ITPKB: variants seen among roughly 807,000 people sequenced by gnomAD.
ITPKB encodes the protein IP3 3-kinase B.
A neutral mutation model predicts 69.4 loss-of-function variants in ITPKB; 13 were observed. The observed-to-expected ratio is 0.19, with a 90% CI of 0.12 to 0.30. The LOEUF is 0.30. ITPKB is among the 10% of genes least tolerant of loss of function. ITPKB has a pLI of 1.00. For synonymous variants in ITPKB, 584 were observed against 513.7 expected (o/e 1.14, Z -1.85); for missense variants, 1,240 against 1,250.5 (o/e 0.99, Z 0.13).
rs1368573143 is a variant in ITPKB at position 226,637,378 on chromosome 1, C to T, written c.2625+301G>A. Among the ~76,000 whole-genome samples the T allele has an allele frequency of 6.6e-6, 1 of 152,216 alleles. No individual in the cohort carries two copies. The highest frequency in any genetic ancestry group is 1.5e-5 in the Non-Finnish European group (1 of 68,038). ...TCAGAGAGCTTCTGCCCTGAGACCA[C>T]GGGTGTGTGGGATATGAGTCCTGCC... is the stretch of plus-strand genomic sequence containing the variant. On this transcript the variant is annotated intron_variant, in intron 7 of 7. Coordinates refer to ENST00000429204, the MANE Select transcript of ITPKB (RefSeq NM_002221.4). This position sits in a 1 kb window ranked among gnomAD's most constrained non-coding sequence, Gnocchi z 4.3.
At chr1:226,675,876 C>T (rs1169359106) in intron 2 of ITPKB, among the ~76,000 whole-genome samples, 1 of 152,226 alleles carries the variant, frequency 6.6e-6, no homozygotes, top group Admixed American at 6.5e-5. Context: ...CACCTGTGCA[C>T]TTCCTCAACC....
intron 2 of ITPKB, among the ~76,000 whole-genome samples, chr1:226,726,597 GC>G (rs67057440): frequency 0.025 from 3,823 of 152,222 alleles, 172 homozygotes; most frequent in African/African-American, 0.088. Flanking sequence ...GATCTCTTGA[GC>G]TGGAGAGATC....
At chr1:226,722,516 A>C (rs1270894047) in intron 2 of ITPKB, among the ~76,000 whole-genome samples, 2 of 152,230 alleles carry the variant, frequency 1.3e-5, no homozygotes, top group Non-Finnish European at 2.9e-5. Context: ...CAAGGTAAAC[A>C]GCATCCCAGA....
At chr1:226,666,366 G>C (rs1025375605) in intron 2 of ITPKB, among the ~76,000 whole-genome samples, 4 of 152,182 alleles carry the variant, frequency 2.6e-5, no homozygotes, top group African/African-American at 4.8e-5. Flanking sequence ...AGGAGCAAGA[G>C]GTCATCTTGC....
At chr1:226,691,496 C>G (rs1358254390) in intron 2 of ITPKB, among the ~76,000 whole-genome samples, 1 of 152,116 alleles carries the variant, frequency 6.6e-6, no homozygotes, top group Non-Finnish European at 1.5e-5. Context: ...CTTAGACTGG[C>G]CTGAGTCAAC....
Position 226,647,161 on chromosome 1 carries a change from G to A in ITPKB, c.2246+6C>T, listed in dbSNP as rs41268737. 8.7e-6 allele frequency: 14 copies of A among 1,613,416 alleles called. No homozygotes were observed. The highest frequency in any genetic ancestry group is 1.2e-5 in the Non-Finnish European group (14 of 1,179,368). ...AGGCATGTGGGCTGCGAGAAGCCTG[G>A]CTCACCTGATTCCCATCTTGCAGTC... is the stretch of plus-strand genomic sequence containing the variant. On this transcript the variant is annotated splice_donor_region_variant and intron_variant, in intron 4 of 7. Coordinates refer to ENST00000429204, the MANE Select transcript of ITPKB (RefSeq NM_002221.4).
Position 226,648,780 on chromosome 1 carries a change from A to C in ITPKB, c.1933-9T>G, listed in dbSNP as rs767300795. The C allele has an allele frequency of 6.5e-7, 1 of 1,549,972 alleles. No homozygotes were observed. Among genetic ancestry groups the C allele is most frequent in the Non-Finnish European group, 8.9e-7 (1 of 1,121,576 alleles). ...TTCCTCCATGATTTGCTCTAGAAACAAACAAACAAAAAGCTCTACATTAGA... is the reference window on the plus strand; with the variant it reads ...TTCCTCCATGATTTGCTCTAGAAACCAACAAACAAAAAGCTCTACATTAGA... On this transcript the variant is annotated splice_polypyrimidine_tract_variant and intron_variant, in intron 2 of 7. Transcript: ENST00000429204.
chr1:226,719,629 A>C (rs886467666), intron 2 of ITPKB, among the ~76,000 whole-genome samples: 23 of 152,358 alleles, frequency 1.5e-4, no homozygotes, highest in Non-Finnish European at 3.1e-4. Flanking sequence ...ACTCGATTGC[A>C]TTCAATTCCT....
chr1:226,652,660 G>A (rs1458303156), intron 2 of ITPKB, among the ~76,000 whole-genome samples: 1 of 152,200 alleles, frequency 6.6e-6, no homozygotes, highest in East Asian at 1.9e-4. Context: ...AACGTGGTGT[G>A]GCAAAGGGTA....
intron 2 of ITPKB, among the ~76,000 whole-genome samples, chr1:226,733,030 G>A (rs997159203): frequency 1.3e-5 from 2 of 152,212 alleles, no homozygotes; most frequent in African/African-American, 4.8e-5. Context: ...CAATCTCAGT[G>A]TCTAGTGTGG....
rs1235299777 is a variant in ITPKB at position 226,632,269 on chromosome 1, TAC to T, written c.*2400_*2401del. 1 of 152,290 alleles carries T rather than the reference TAC, an allele frequency of 6.6e-6. No homozygotes were observed. Among genetic ancestry groups the T allele is most frequent in the Non-Finnish European group, 1.5e-5 (1 of 68,032 alleles). 9.4% of individuals were successfully genotyped at this position (152,290 alleles called of 1,614,324 possible). A position where few individuals can be genotyped will look rare whatever the true frequency, so the allele number is the denominator to read the frequency against. On this transcript the variant is annotated 3_prime_UTR_variant, in exon 8 of 8. Transcript: ENST00000429204. ...CTGCGCCCATTCACCTGGGCACAGG[TAC>T]ACAGAGTTTGTCCTGCCTGCTGGCA...
chr1:226,689,610 T>TGTGTGTGTGTGTGTGC (rs1553255322), intron 2 of ITPKB, among the ~76,000 whole-genome samples: 1 of 147,406 alleles, frequency 6.8e-6, no homozygotes, highest in Admixed American at 6.8e-5. Context: ...TGTGTGTGTG[T>TGTGTGTGTGTGTGTGC]GTGCATGCAT....
intron 2 of ITPKB, among the ~76,000 whole-genome samples, chr1:226,652,225 G>A (rs1210123010): frequency 1.3e-5 from 2 of 152,250 alleles, no homozygotes; most frequent in African/African-American, 4.8e-5. Flanking sequence ...CCTAGGAGCA[G>A]AGATGAACTA....
At chr1:226,698,543 T>C (rs1366563414) in intron 2 of ITPKB, among the ~76,000 whole-genome samples, 2 of 152,200 alleles carry the variant, frequency 1.3e-5, no homozygotes, top group East Asian at 3.8e-4. Flanking sequence ...GTGACAGGAA[T>C]TGTTCATTTA....
intron 2 of ITPKB, among the ~76,000 whole-genome samples, chr1:226,660,727 G>C (rs912012592): frequency 1.3e-5 from 2 of 152,218 alleles, no homozygotes; most frequent in Non-Finnish European, 2.9e-5. Context: ...AGGCTAGGAG[G>C]GGACCAACAA....
Position 226,634,996 on chromosome 1 carries a change from T to A in ITPKB, c.2626-110A>T. 1 of 751,310 alleles carries A rather than the reference T, an allele frequency of 1.3e-6. No homozygotes were observed. The highest frequency in any genetic ancestry group is 2.2e-6 in the Non-Finnish European group (1 of 459,510). 46.5% of individuals were successfully genotyped at this position (751,310 alleles called of 1,614,324 possible). On this transcript the variant is annotated intron_variant, in intron 7 of 7. Transcript: ENST00000429204. The surrounding 1 kb of genome is among the most constrained non-coding windows in gnomAD (Gnocchi z 6.3). ...GGGAGGCTCGCTCAGGCCGGACAGTTGGGTGCCTGCAATTCCAATCCCCAT... is the reference window on the plus strand; with the variant it reads ...GGGAGGCTCGCTCAGGCCGGACAGTAGGGTGCCTGCAATTCCAATCCCCAT...
intron 4 of ITPKB, among the ~76,000 whole-genome samples, chr1:226,645,964 GA>G (rs1283924067): frequency 6.6e-6 from 1 of 152,218 alleles, no homozygotes; most frequent in East Asian, 1.9e-4. Context: ...CCCAGGAGGA[GA>G]GAGAAGAAAG....
At position 226,675,653 on chromosome 1, in the gene ITPKB, T is replaced by G. The variant is rs529743877; in HGVS notation, c.1933-26882A>C. Reference sequence around the variant, plus strand: ...TGGGCAAATTACCCAACCTTCCTGCTTCTCGATTTCTACTTCCTCTATAAA... The same window carrying G: ...TGGGCAAATTACCCAACCTTCCTGCGTCTCGATTTCTACTTCCTCTATAAA... On this transcript the variant is annotated intron_variant, in intron 2 of 7. Transcript: ENST00000429204. 1.7e-3 allele frequency among the ~76,000 whole-genome samples: 256 copies of G among 152,352 alleles called. 2 individuals carry two copies. Among genetic ancestry groups the G allele is most frequent in the African/African-American group, 6.0e-3 (248 of 41,574 alleles).
intron 2 of ITPKB, chr1:226,675,210 C>T (rs1242022230): frequency 6.6e-6 from 1 of 151,606 alleles, no homozygotes; most frequent in African/African-American, 2.4e-5. Context: ...TTACCACGAC[C>T]CACCGGGTGC....
Sources: allele counts gnomAD v4.1 joint callset (sites outside exome capture counted in the v4.1 genomes callset), GRCh38; gene constraint gnomAD v4.1.1; non-coding constraint Gnocchi (gnomAD v3.1); transcripts MANE v1.5; gene names NCBI Gene and HGNC (gene_info 2026-07-23, HGNC 2026-07-21).